Variants in PHAX observed in about 807,000 individuals in gnomAD.
PHAX encodes phosphorylated adapter RNA export protein.
Under a neutral mutation model 41.6 loss-of-function variants are expected in PHAX, and 31 were observed. The ratio of observed to expected loss-of-function variants is 0.75; its 90% CI spans 0.56 to 1.01. The LOEUF (loss-of-function observed/expected upper bound fraction) is 1.01. Ranked by LOEUF, PHAX falls within the 50% of genes least tolerant of loss-of-function variation. The pLI is 0.00. For missense variants in PHAX, 453 were observed against 472.9 expected, an observed-to-expected ratio of 0.96 and a Z score of 0.39; for synonymous variants, 175 against 164.9, an observed-to-expected ratio of 1.06 and a Z score of -0.47.
intron 4 of PHAX, among the ~76,000 whole-genome samples, chr5:126,619,334 T>G (rs1412103033): frequency 6.6e-6 from 1 of 152,086 alleles, no homozygotes; most frequent in Non-Finnish European, 1.5e-5. Context: ...TTCCAGCATT[T>G]TGGGAGGCCG....
At chr5:126,619,576 T>TA (rs11301205) in intron 4 of PHAX, among the ~76,000 whole-genome samples, 667 of 141,150 alleles carry the variant, frequency 4.7e-3, no homozygotes, top group Middle Eastern at 0.022. Flanking sequence ...ACTCTGTCTT[T>TA]AAAAAAAAAA....
intron 4 of PHAX, among the ~76,000 whole-genome samples, chr5:126,617,564 C>T (rs560653305): frequency 2.0e-4 from 31 of 152,026 alleles, no homozygotes; most frequent in Middle Eastern, 3.4e-3. Context: ...CTGCAACCTC[C>T]GCCTCCCGGG....
In PHAX at chr5:126,626,931, G is replaced by A. The variant is rs1352784557; in HGVS notation, c.*2087G>A. 1 of 151,972 alleles carries A rather than the reference G, an allele frequency of 6.6e-6. No homozygotes were observed. Among genetic ancestry groups the A allele is most frequent in the Non-Finnish European group, 1.5e-5 (1 of 67,998 alleles). The allele number at this position is 151,972 out of a possible 1,614,324, so 9.4% of individuals were successfully genotyped here. A position where few individuals can be genotyped will look rare whatever the true frequency, so the allele number is the denominator to read the frequency against. On this transcript the variant is annotated 3_prime_UTR_variant, in exon 5 of 5. Coordinates refer to ENST00000297540, the MANE Select transcript of PHAX (RefSeq NM_032177.4). ...GTCTCAAAAATAATAATAGTAAAAT[G>A]TTACATGTGCATGAAGTTTTAAATT... is the stretch of plus-strand genomic sequence containing the variant.
rs1682028663 is a variant in PHAX, at chr5:126,603,967, A to G, written c.494A>G (p.Gln165Arg). Residue 165 changes from glutamine to arginine, a missense_variant, in exon 2 of 5, where the codon CAA becomes CGA. Coordinates refer to ENST00000297540, the MANE Select transcript of PHAX (RefSeq NM_032177.4). Reference sequence around the variant, plus strand: ...GCCAAGAAACTTAGGAAGGAATCTCAAGAGCATACAAAAGATCTAGACAAG... The same window carrying G: ...GCCAAGAAACTTAGGAAGGAATCTCGAGAGCATACAAAAGATCTAGACAAG... ...LLAKKLRKES[Q>R]EHTKDLDKEL... The G allele has an allele frequency of 8.7e-6, 14 of 1,613,460 alleles. No homozygotes were observed. Among genetic ancestry groups the G allele is most frequent in the Non-Finnish European group, 1.2e-5 (14 of 1,179,422 alleles).
At chr5:126,621,869 C>T (rs1245121470) in intron 4 of PHAX, among the ~76,000 whole-genome samples, 3 of 152,168 alleles carry the variant, frequency 2.0e-5, no homozygotes, top group Non-Finnish European at 4.4e-5. Flanking sequence ...AAGATATTAA[C>T]AACATGTTGC....
chr5:126,609,095 A>ATTTTTTTTTTTTTTTTTTTTTT lies in PHAX; in HGVS notation c.831+613_831+634dup, dbSNP rs761125079. Among the ~76,000 whole-genome samples the ATTTTTTTTTTTTTTTTTTTTTT allele has an allele frequency of 4.1e-4, 42 of 101,236 alleles. 5 individuals are homozygous for ATTTTTTTTTTTTTTTTTTTTTT. The highest frequency in any genetic ancestry group is 1.9e-3 in the African/African-American group (39 of 21,000). The allele number at this position is 101,236 out of a possible 152,430, so 66.4% of individuals were successfully genotyped here. On this transcript the variant is annotated intron_variant, in intron 3 of 4. Coordinates refer to ENST00000297540, the MANE Select transcript of PHAX (RefSeq NM_032177.4). ...ATGATTTGTTAAAGGTAGGGGTTGA[A>ATTTTTTTTTTTTTTTTTTTTTT]TTTTTTTTTTTTTTTTTTTTTTTGA...
At chr5:126,604,552 A>C (rs1363938824) in intron 2 of PHAX, among the ~76,000 whole-genome samples, 1 of 151,976 alleles carries the variant, frequency 6.6e-6, no homozygotes, top group East Asian at 1.9e-4. Context: ...GGCGTGAGCC[A>C]TGGGCTGGCC....
rs1561684125 is a variant in PHAX, at chr5:126,624,689, CAAG to C, written c.1035_1037del (p.Glu345del). The C allele has an allele frequency of 2.5e-6, 4 of 1,614,080 alleles. No homozygotes were observed. The highest frequency in any genetic ancestry group is 1.1e-5 in the South Asian group (1 of 91,076). ...ACAAGCTATTAAAAGTCTAAATTTT[CAAG>C]AAGATGATGATACATCACGAGAAAC... On this transcript the variant is annotated inframe_deletion, in exon 5 of 5. Transcript: ENST00000297540.
In PHAX at chr5:126,625,779, GCAGCTTCCATCTCC is replaced by G. The variant is rs1236701018; in HGVS notation, c.*939_*952del. On this transcript the variant is annotated 3_prime_UTR_variant, in exon 5 of 5. Transcript: ENST00000297540. ...TACAGTGGCAGGATCTCAGCTTACT[GCAGCTTCCATCTCC>G]CAGGTTCAAGCGATCATGTGCCTAA... The G allele has an allele frequency of 5.5e-4, 83 of 152,048 alleles. No individual in the cohort carries two copies. The highest frequency in any genetic ancestry group is 3.4e-3 in the Middle Eastern group (1 of 294). The allele number at this position is 152,048 out of a possible 1,614,324, so 9.4% of individuals were successfully genotyped here.
chr5:126,615,217 T>A (rs1752165863), intron 3 of PHAX, among the ~76,000 whole-genome samples: 1 of 152,174 alleles, frequency 6.6e-6, no homozygotes, highest in Non-Finnish European at 1.5e-5. Context: ...ATATCATAAT[T>A]TATATGACTA....
Position 126,624,646 on chromosome 5 carries a change from G to A in PHAX, c.987G>A (p.Val329=). 1 of 1,613,634 alleles carries A rather than the reference G, an allele frequency of 6.2e-7. No homozygotes were observed. Among genetic ancestry groups the A allele is most frequent in the Non-Finnish European group, 8.5e-7 (1 of 1,179,588 alleles). Reference sequence around the variant, plus strand: ...CTGCTAGGAAGAGGAGAACACAAGTGTTGGGGAAAAAGATGAAACAAGCTA... The same window carrying A: ...CTGCTAGGAAGAGGAGAACACAAGTATTGGGGAAAAAGATGAAACAAGCTA... ...KKAARKRRTQ[V]LGKKMKQAIK... Residue 329 remains valine, a synonymous_variant, in exon 5 of 5, where the codon GTG becomes GTA. Transcript: ENST00000297540.
chr5:126,608,561 C>T (rs1752024549), intron 3 of PHAX, 77 bp downstream of exon 3: 4 of 1,140,694 alleles, frequency 3.5e-6, no homozygotes, highest in Non-Finnish European at 3.9e-6. Context: ...TTAACTTTGC[C>T]CTTGTTGGAT....
intron 2 of PHAX, among the ~76,000 whole-genome samples, chr5:126,606,751 A>G (rs1209930724): frequency 6.6e-6 from 1 of 151,996 alleles, no homozygotes; most frequent in Non-Finnish European, 1.5e-5. Context: ...TCCTGGGTTC[A>G]ATCAAATCTC....
At chr5:126,609,980 G>A (rs145161027) in intron 3 of PHAX, among the ~76,000 whole-genome samples, 1 of 151,992 alleles carries the variant, frequency 6.6e-6, no homozygotes, top group African/African-American at 2.4e-5. Context: ...CAGGCAATCC[G>A]CCTGCCTCGG....
chr5:126,604,319 C>T (rs1751956969), intron 2 of PHAX, 136 bp downstream of exon 2: 1 of 827,372 alleles, frequency 1.2e-6, no homozygotes, highest in South Asian at 2.3e-5. Context: ...CTCTGTCACC[C>T]AGGCTGGAGT....
intron 4 of PHAX, among the ~76,000 whole-genome samples, chr5:126,623,740 T>G (rs539452995): frequency 3.9e-5 from 6 of 152,300 alleles, no homozygotes; most frequent in African/African-American, 1.4e-4. Flanking sequence ...GAGAGTCTCC[T>G]TCATCCCACC....
chr5:126,605,355 G>T (rs1751972495), intron 2 of PHAX, among the ~76,000 whole-genome samples: 1 of 151,934 alleles, frequency 6.6e-6, no homozygotes, highest in African/African-American at 2.4e-5. Context: ...AAGGAACTGG[G>T]ATAATTTGGT....
intron 3 of PHAX, among the ~76,000 whole-genome samples, chr5:126,614,082 A>G (rs556887215): frequency 9.3e-5 from 14 of 151,230 alleles, no homozygotes; most frequent in Non-Finnish European, 1.6e-4. Context: ...TTTTAACCGC[A>G]TGTTTTTGCT....
At chr5:126,620,370 A>C (rs573414582) in intron 4 of PHAX, among the ~76,000 whole-genome samples, 4 of 152,332 alleles carry the variant, frequency 2.6e-5, no homozygotes, top group Admixed American at 2.6e-4. Flanking sequence ...TAAACCTTGG[A>C]CAAATAATAT....
Sources: allele counts gnomAD v4.1 joint callset (sites outside exome capture counted in the v4.1 genomes callset), GRCh38; gene constraint gnomAD v4.1.1; transcripts MANE v1.5; gene names NCBI Gene and HGNC (gene_info 2026-07-23, HGNC 2026-07-21).